The following MRTFB variants were observed in gnomAD, a reference collection of about 807,000 sequenced individuals.
MRTFB encodes myocardin-related transcription factor B.
MRTFB carries 29 observed loss-of-function variants against 104.2 expected under a neutral mutation model. That is an observed-to-expected ratio of 0.28 (90% CI 0.21 to 0.38). The LOEUF is 0.38. Ranked by LOEUF, MRTFB falls within the 10% of genes least tolerant of loss-of-function variation. The pLI, the probability that MRTFB is intolerant of heterozygous loss-of-function variation, is 1.00. For missense variants in MRTFB, 1,270 were observed against 1,341.6 expected, an observed-to-expected ratio of 0.95 and a Z score of 0.83; for synonymous variants, 535 against 519.5, an observed-to-expected ratio of 1.03 and a Z score of -0.41.
chr16:14,059,718 G>A, the MRTFB span, among the ~76,000 whole-genome samples: 1 of 152,154 alleles, frequency 6.6e-6, no homozygotes, highest in African/African-American at 2.4e-5. Context: ...AGAAAGACAG[G>A]CGTGAGCCAA....
intron 3 of MRTFB, chr16:14,195,440 G>T (rs2040391040): frequency 8.5e-6 from 6 of 706,592 alleles, no homozygotes; most frequent in Non-Finnish European, 1.0e-5. Context: ...ATATACATAG[G>T]TATATGTACA....
chr16:14,035,664 G>A, the MRTFB span, among the ~76,000 whole-genome samples: 9 of 152,094 alleles, frequency 5.9e-5, no homozygotes, highest in African/African-American at 1.2e-4. Context: ...GCTCTGTCAT[G>A]ATTTGCACAA....
intron 3 of MRTFB, chr16:14,200,534 A>G: frequency 1.2e-6 from 2 of 1,608,714 alleles, no homozygotes; most frequent in Non-Finnish European, 1.7e-6. Flanking sequence ...GCTCAGCAGC[A>G]GCTTTATTAC....
chr16:14,076,323 C>G (rs913415859), intron 1 of MRTFB, among the ~76,000 whole-genome samples: 2 of 152,036 alleles, frequency 1.3e-5, no homozygotes, highest in Non-Finnish European at 2.9e-5. Context: ...TCCCAAGTAG[C>G]TTGGGACTAC....
At chr16:14,243,628 AG>A (rs1398454416) in intron 10 of MRTFB, among the ~76,000 whole-genome samples, 2 of 152,328 alleles carry the variant, frequency 1.3e-5, no homozygotes, top group East Asian at 3.9e-4. Context: ...ACCTAACTGT[AG>A]TAGAATTTGA....
At chr16:14,094,807 G>A (rs2035270381) in intron 2 of MRTFB, among the ~76,000 whole-genome samples, 1 of 152,312 alleles carries the variant, frequency 6.6e-6, no homozygotes, top group East Asian at 1.9e-4. Flanking sequence ...CACTCCAGGA[G>A]CATCATTCTA....
chr16:14,206,816 T>C (rs1369810047), intron 3 of MRTFB, among the ~76,000 whole-genome samples: 1 of 152,124 alleles, frequency 6.6e-6, no homozygotes, highest in Non-Finnish European at 1.5e-5. Context: ...AAAGTATAAT[T>C]GTGTTTTAAT....
Position 14,098,555 on chromosome 16 carries a change from T to C in MRTFB, c.-64+19201T>C, listed in dbSNP as rs1290359323. Among the ~76,000 whole-genome samples, 12 of 152,338 alleles carry C rather than the reference T, an allele frequency of 7.9e-5. No homozygotes were observed. The East Asian group carries it at 2.3e-3, about 29-fold the overall frequency. On this transcript the variant is annotated intron_variant, in intron 2 of 16. Coordinates refer to ENST00000571589, the MANE Select transcript of MRTFB (RefSeq NM_001308142.2). ...CATTCTTTCAAAGAGCAGTTCTTAA[T>C]TTTGATAAAGTTCAATTTATCAATT...
At chr16:14,236,530 T>A (rs1346973245) in intron 9 of MRTFB, among the ~76,000 whole-genome samples, 4 of 151,940 alleles carry the variant, frequency 2.6e-5, no homozygotes, top group Admixed American at 6.5e-5. Context: ...AATGTGATGA[T>A]GGGGGTGCTG....
chr16:14,126,004 G>A (rs1298642245), intron 2 of MRTFB, among the ~76,000 whole-genome samples: 2 of 152,024 alleles, frequency 1.3e-5, no homozygotes, highest in Admixed American at 6.5e-5. Flanking sequence ...AACTTCTCTG[G>A]CTACTCTAAG....
chr16:14,090,000 G>C (rs1038927168), intron 2 of MRTFB, among the ~76,000 whole-genome samples: 3 of 152,050 alleles, frequency 2.0e-5, no homozygotes, highest in Admixed American at 2.0e-4. Flanking sequence ...AGTGGTGATA[G>C]TTCTTTATAT....
chr16:14,127,926 T>C (rs2037224514), intron 2 of MRTFB, among the ~76,000 whole-genome samples: 1 of 41,374 alleles, frequency 2.4e-5, no homozygotes, highest in Non-Finnish European at 3.7e-5. Context: ...TATATATATA[T>C]ATATTTTTTT....
intron 2 of MRTFB, among the ~76,000 whole-genome samples, chr16:14,132,626 T>C (rs2037497444): frequency 6.6e-6 from 1 of 152,192 alleles, no homozygotes; most frequent in Non-Finnish European, 1.5e-5. Context: ...AGTAATGAAA[T>C]ATCTTAGTTG....
intron 16 of MRTFB, among the ~76,000 whole-genome samples, chr16:14,260,140 A>G (rs1241135457): frequency 6.6e-6 from 1 of 152,258 alleles, no homozygotes; most frequent in East Asian, 1.9e-4. Context: ...TAATGAAGAC[A>G]TTTACCAAAT....
At chr16:14,133,436 A>G (rs1022220650) in intron 2 of MRTFB, among the ~76,000 whole-genome samples, 1 of 152,234 alleles carries the variant, frequency 6.6e-6, no homozygotes, top group East Asian at 1.9e-4. Context: ...CCACTACTGC[A>G]CTTAGTCATG....
intron 3 of MRTFB, among the ~76,000 whole-genome samples, chr16:14,147,719 G>A (rs1434928351): frequency 2.6e-5 from 4 of 152,046 alleles, no homozygotes; most frequent in African/African-American, 9.7e-5. Context: ...TCAATGAGGG[G>A]GTGGATGAAG....
intron 16 of MRTFB, 78 bp downstream of exon 16, chr16:14,258,239 CAT>C (rs1471739572): frequency 9.2e-7 from 1 of 1,088,344 alleles, no homozygotes; most frequent in East Asian, 2.4e-5. Context: ...CTTAAGCACT[CAT>C]AGCTTATCTT....
At chr16:14,017,537 C>T in the MRTFB span, among the ~76,000 whole-genome samples, 1 of 140,116 alleles carries the variant, frequency 7.1e-6, no homozygotes, top group Non-Finnish European at 1.5e-5. Context: ...TCGTGTGAAA[C>T]CTCTATGGTA....
At chr16:14,070,900 C>T (rs1426794946), upstream of MRTFB, among the ~76,000 whole-genome samples, 1 of 152,226 alleles carries the variant, frequency 6.6e-6, no homozygotes, top group Non-Finnish European at 1.5e-5. Context: ...TTTCCTCTCT[C>T]TAGAATGGGG....
Sources: allele counts gnomAD v4.1 joint callset (sites outside exome capture counted in the v4.1 genomes callset), GRCh38; gene constraint gnomAD v4.1.1; transcripts MANE v1.5; gene names NCBI Gene and HGNC (gene_info 2026-07-23, HGNC 2026-07-21).